Variants in RNF220 observed in about 807,000 individuals in gnomAD.
RNF220 encodes E3 ubiquitin-protein ligase RNF220.
RNF220 carries 7 observed loss-of-function variants against 67.1 expected under a neutral mutation model. The ratio of observed to expected loss-of-function variants is 0.10; its 90% confidence interval spans 0.06 to 0.20. RNF220 has a LOEUF of 0.20. Ranked by LOEUF, RNF220 falls within the 10% of genes least tolerant of loss-of-function variation. The probability of loss-of-function intolerance (pLI) is 1.00; values close to 1 mark genes in which losing one functional copy is unlikely to be tolerated. For missense variants in RNF220, 565 were observed against 740.3 expected, an observed-to-expected ratio of 0.76 and a Z score of 2.75; for synonymous variants, 270 against 283.2, an observed-to-expected ratio of 0.95 and a Z score of 0.47.
chr1:44,519,164 A>G (rs1310322861), intron 2 of RNF220, among the ~76,000 whole-genome samples: 1 of 152,230 alleles, frequency 6.6e-6, no homozygotes, highest in Non-Finnish European at 1.5e-5. Flanking sequence ...TTAGAATGAC[A>G]TGCAGAGAAA....
chr1:44,492,522 A>G (rs1656943040), intron 2 of RNF220, among the ~76,000 whole-genome samples: 1 of 152,252 alleles, frequency 6.6e-6, no homozygotes, highest in Non-Finnish European at 1.5e-5. Context: ...CCAAATAGCC[A>G]TCAGCTGATG....
intron 2 of RNF220, among the ~76,000 whole-genome samples, chr1:44,421,707 A>G (rs1649240035): frequency 6.6e-6 from 1 of 152,078 alleles, no homozygotes; most frequent in Admixed American, 6.5e-5. Context: ...CATTACCCTG[A>G]ACGCACAAAT....
chr1:44,537,365 C>G (rs1661315744), intron 2 of RNF220, among the ~76,000 whole-genome samples: 1 of 152,026 alleles, frequency 6.6e-6, no homozygotes, highest in South Asian at 2.1e-4. Flanking sequence ...CTCCCTTTTT[C>G]TGTGGTTCTT....
intron 2 of RNF220, among the ~76,000 whole-genome samples, chr1:44,578,819 G>A (rs1212455740): frequency 6.6e-6 from 1 of 152,076 alleles, no homozygotes; most frequent in Non-Finnish European, 1.5e-5. Flanking sequence ...AATATTTATT[G>A]AGTGCTCACA....
chr1:44,553,833 C>T (rs1189252919), intron 2 of RNF220, among the ~76,000 whole-genome samples: 2 of 152,136 alleles, frequency 1.3e-5, no homozygotes, highest in African/African-American at 4.8e-5. Context: ...TACTTCAGAG[C>T]TAGCAACGAC....
chr1:44,517,668 C>T (rs1377878994), intron 2 of RNF220, among the ~76,000 whole-genome samples: 1 of 152,202 alleles, frequency 6.6e-6, no homozygotes, highest in African/African-American at 2.4e-5. Context: ...CAGGGTCTTG[C>T]TCTGTCATCC....
intron 2 of RNF220, among the ~76,000 whole-genome samples, chr1:44,489,341 G>A (rs1034336704): frequency 2.6e-5 from 4 of 152,186 alleles, no homozygotes; most frequent in East Asian, 1.9e-4. Context: ...ACACATTTCC[G>A]TATAACTATA....
Position 44,565,896 on chromosome 1 carries a change from G to T in RNF220, c.626-48269G>T, listed in dbSNP as rs941704955. ...AGTCTTGAATCCCACCTCATGGCTG[G>T]CCCCCACTGCTGCTTCTCACTCCCC... On this transcript the variant is annotated intron_variant, in intron 2 of 14. Transcript: ENST00000361799. The surrounding 1 kb of genome is among the most constrained non-coding windows in gnomAD (Gnocchi z 4.2). Among the ~76,000 whole-genome samples, 1 of 152,012 alleles carries T rather than the reference G, an allele frequency of 6.6e-6. No homozygotes were observed. The highest frequency in any genetic ancestry group is 1.5e-5 in the Non-Finnish European group (1 of 67,996).
chr1:44,560,341 A>T (rs1663467679), intron 2 of RNF220, among the ~76,000 whole-genome samples: 1 of 151,938 alleles, frequency 6.6e-6, no homozygotes, highest in South Asian at 2.1e-4. Flanking sequence ...CCCAAACAGG[A>T]AAAAAAACAG....
chr1:44,486,404 C>A (rs923601492), intron 2 of RNF220, among the ~76,000 whole-genome samples: 1 of 152,148 alleles, frequency 6.6e-6, no homozygotes, highest in African/African-American at 2.4e-5. Context: ...ATGTTCTCTT[C>A]CCCCGTCATC....
At chr1:44,628,376 C>T (rs957150876) in intron 5 of RNF220, among the ~76,000 whole-genome samples, 1 of 152,216 alleles carries the variant, frequency 6.6e-6, no homozygotes, top group Non-Finnish European at 1.5e-5. Flanking sequence ...TAAAAACATA[C>T]GCATGTGTTT....
At chr1:44,419,888 T>C (rs1166002096) in intron 2 of RNF220, 1 of 152,246 alleles carries the variant, frequency 6.6e-6, no homozygotes, top group Non-Finnish European at 1.5e-5. Flanking sequence ...ATCTACTTTT[T>C]TCTCCTAACC....
rs186318265 is a variant in RNF220, at chr1:44,557,301, G to A, written c.626-56864G>A. Among the ~76,000 whole-genome samples the A allele has an allele frequency of 7.7e-4, 116 of 150,870 alleles. 3 individuals are homozygous for A. In the East Asian group the frequency reaches 0.014, roughly 18 times the overall value. ...TTTGGGAGTCTGAGATGGGAGCATC[G>A]ATTGAGCCTAGGTATTCTTTCTAGA... On this transcript the variant is annotated intron_variant, in intron 2 of 14. Coordinates refer to ENST00000361799, the MANE Select transcript of RNF220 (RefSeq NM_018150.4).
At chr1:44,454,966 G>T (rs1305120241) in intron 2 of RNF220, among the ~76,000 whole-genome samples, 1 of 152,134 alleles carries the variant, frequency 6.6e-6, no homozygotes, top group East Asian at 1.9e-4. Context: ...ATTGTTTCCA[G>T]TTTGGGGCAG....
In RNF220 at chr1:44,441,852, C is replaced by T. The variant is rs1651592800; in HGVS notation, c.625+29130C>T. 2.6e-5 allele frequency among the ~76,000 whole-genome samples: 4 copies of T among 152,156 alleles called. No individual in the cohort carries two copies. In the South Asian group the frequency reaches 8.3e-4, roughly 32 times the overall value. On this transcript the variant is annotated intron_variant, in intron 2 of 14. Coordinates refer to ENST00000361799, the MANE Select transcript of RNF220 (RefSeq NM_018150.4). Reference sequence around the variant, plus strand: ...CAATGTAAAGGAGACCTGACTTCTACCTTCAAGCATCTTACAGTTCTTATG... The same window carrying T: ...CAATGTAAAGGAGACCTGACTTCTATCTTCAAGCATCTTACAGTTCTTATG...
intron 2 of RNF220, among the ~76,000 whole-genome samples, chr1:44,458,218 C>T (rs913700443): frequency 2.6e-5 from 4 of 151,740 alleles, no homozygotes; most frequent in East Asian, 1.9e-4. Context: ...ATCATGCCAC[C>T]GTACTCCCAG....
At chr1:44,493,747 G>A (rs763966477) in intron 2 of RNF220, among the ~76,000 whole-genome samples, 1 of 152,030 alleles carries the variant, frequency 6.6e-6, no homozygotes, top group Non-Finnish European at 1.5e-5. Context: ...AGCTAAGGTT[G>A]GAGGATCATT....
chr1:44,423,084 T>C (rs1442543328), intron 2 of RNF220, among the ~76,000 whole-genome samples: 2 of 152,234 alleles, frequency 1.3e-5, no homozygotes, highest in Non-Finnish European at 2.9e-5. Context: ...TGTAGGATGC[T>C]GCGAAAAGTG....
intron 4 of RNF220, among the ~76,000 whole-genome samples, chr1:44,625,227 A>T (rs563332661): frequency 1.3e-5 from 2 of 152,076 alleles, no homozygotes. Context: ...CTGGGCTTGG[A>T]TGGGTGAAGA....
Sources: gnomAD v4.1 joint callset for allele counts (sites outside exome capture counted in the v4.1 genomes callset) on GRCh38, gnomAD v4.1.1 for gene constraint, Gnocchi (gnomAD v3.1) non-coding constraint, MANE v1.5 for transcripts, NCBI Gene and HGNC (gene_info 2026-07-23, HGNC 2026-07-21) for gene names.